Variants in CCDC88A observed in about 807,000 individuals in gnomAD.
CCDC88A encodes the protein coiled-coil and HOOK domain protein 88A.
Under a neutral mutation model 234.3 loss-of-function variants are expected in CCDC88A, and 54 were observed. That is an observed-to-expected ratio of 0.23 (90% CI 0.19 to 0.29). CCDC88A has a LOEUF of 0.29. Ranked by LOEUF, CCDC88A falls within the 10% of genes least tolerant of loss-of-function variation. The probability of loss-of-function intolerance (pLI) is 1.00; values close to 1 mark genes in which losing one functional copy is unlikely to be tolerated. For synonymous variants in CCDC88A, 753 were observed against 737.8 expected (o/e 1.02, Z -0.33); for missense variants, 1,832 against 2,123.4 (o/e 0.86, Z 2.70).
intron 2 of CCDC88A, among the ~76,000 whole-genome samples, chr2:55,396,188 T>A (rs1677516619): frequency 6.6e-6 from 1 of 152,180 alleles, no homozygotes. Flanking sequence ...AGTCAAGCTA[T>A]CATTGTGGAG....
rs188370147 is a variant in CCDC88A at position 55,345,163 on chromosome 2, G to A, written c.1042-649C>T. 6.1e-3 allele frequency among the ~76,000 whole-genome samples: 925 copies of A among 152,264 alleles called. 1 individual carries two copies. The highest frequency in any genetic ancestry group is 0.01 in the Non-Finnish European group (694 of 68,020). On this transcript the variant is annotated intron_variant, in intron 10 of 32. Coordinates refer to ENST00000436346, the MANE Select transcript of CCDC88A (RefSeq NM_001365480.1). ...CATGAGAATCCCTTAACAGTGTCAT[G>A]CATACACAAGTCTTTAAATAACTGG...
intron 29 of CCDC88A, among the ~76,000 whole-genome samples, chr2:55,298,986 G>A (rs1433884008): frequency 6.6e-6 from 1 of 152,108 alleles, no homozygotes; most frequent in African/African-American, 2.4e-5. Flanking sequence ...GATCACCTGA[G>A]GTCAGGAGTT....
At chr2:55,368,402 A>G (rs1294518612) in intron 5 of CCDC88A, among the ~76,000 whole-genome samples, 3 of 152,078 alleles carry the variant, frequency 2.0e-5, no homozygotes, top group Non-Finnish European at 4.4e-5. Flanking sequence ...TTTCTTCAAA[A>G]GAAGAAAACA....
At chr2:55,344,642 T>G (rs982816764) in intron 10 of CCDC88A, 128 bp from the exon 11 acceptor site, 10 of 463,530 alleles carry the variant, frequency 2.2e-5, no homozygotes, top group Non-Finnish European at 3.7e-5. Context: ...TACTGAGTAA[T>G]AGAAATACAA....
intron 5 of CCDC88A, 37 bp from the exon 6 acceptor site, chr2:55,364,070 T>A (rs72924916): frequency 1.0e-6 from 1 of 1,002,932 alleles, no homozygotes; most frequent in Non-Finnish European, 1.5e-6. Flanking sequence ...TCATACTTTA[T>A]AGGGTATGGT....
intron 21 of CCDC88A, among the ~76,000 whole-genome samples, chr2:55,316,594 G>A (rs1683009512): frequency 6.6e-6 from 1 of 152,110 alleles, no homozygotes; most frequent in Non-Finnish European, 1.5e-5. Context: ...AATTAGCTAG[G>A]CATGGTGGTG....
At chr2:55,320,161 G>C (rs1683448867) in intron 18 of CCDC88A, among the ~76,000 whole-genome samples, 1 of 151,974 alleles carries the variant, frequency 6.6e-6, no homozygotes. Flanking sequence ...AAAATAAAAA[G>C]GAATACTGAT....
intron 2 of CCDC88A, among the ~76,000 whole-genome samples, chr2:55,392,095 G>A (rs1275174559): frequency 1.3e-5 from 2 of 152,148 alleles, no homozygotes; most frequent in African/African-American, 4.8e-5. Flanking sequence ...ATCCTTAACA[G>A]GAAAAACACA....
intron 2 of CCDC88A, among the ~76,000 whole-genome samples, chr2:55,389,440 A>T (rs1282548946): frequency 6.6e-6 from 1 of 152,126 alleles, no homozygotes; most frequent in Non-Finnish European, 1.5e-5. Flanking sequence ...CAAGTCAACC[A>T]TGGTTTAGAA....
intron 25 of CCDC88A, among the ~76,000 whole-genome samples, chr2:55,304,129 C>T (rs1319738719): frequency 2.0e-5 from 3 of 149,820 alleles, no homozygotes; most frequent in Non-Finnish European, 4.4e-5. Flanking sequence ...GGCAACAGAG[C>T]GAGAACCCAT....
chr2:55,378,170 T>C (rs1278968565), intron 3 of CCDC88A, among the ~76,000 whole-genome samples: 1 of 152,188 alleles, frequency 6.6e-6, no homozygotes, highest in Non-Finnish European at 1.5e-5. Flanking sequence ...CTCCACCTTC[T>C]TCCTCAGCTG....
At position 55,419,180 on chromosome 2, in the gene CCDC88A, T is replaced by C. The variant is rs1008625815; in HGVS notation, c.-101A>G. On this transcript the variant is annotated 5_prime_UTR_variant, in exon 1 of 33. Transcript: ENST00000436346. ...AAGTAGAAATCAATGAAAGTCCATTTCGGCAAGGGAGAAAAATCCCATCGT... is the reference window on the plus strand; with the variant it reads ...AAGTAGAAATCAATGAAAGTCCATTCCGGCAAGGGAGAAAAATCCCATCGT... 1.4e-6 allele frequency: 1 copy of C among 736,826 alleles called. No individual in the cohort carries two copies. The highest frequency in any genetic ancestry group is 2.5e-5 in the Admixed American group (1 of 40,184). 45.6% of individuals were successfully genotyped at this position (736,826 alleles called of 1,614,324 possible). A position where few individuals can be genotyped will look rare whatever the true frequency, so the allele number is the denominator to read the frequency against.
At chr2:55,307,650 G>A (rs1444542655) in intron 25 of CCDC88A, among the ~76,000 whole-genome samples, 11 of 151,770 alleles carry the variant, frequency 7.2e-5, no homozygotes, top group Admixed American at 2.0e-4. Context: ...CACCGTTCCC[G>A]GCCTAATTTT....
At chr2:55,329,706 T>A (rs1684691989) in intron 16 of CCDC88A, 1 of 152,148 alleles carries the variant, frequency 6.6e-6, no homozygotes, top group Non-Finnish European at 1.5e-5. Context: ...ACAGAAGACA[T>A]CAAACAGGTA....
intron 22 of CCDC88A, chr2:55,314,783 C>G (rs1438814370): frequency 6.6e-6 from 1 of 152,220 alleles, no homozygotes; most frequent in Non-Finnish European, 1.5e-5. Flanking sequence ...GCACCTGGAT[C>G]AAGAAACAGA....
chr2:55,409,738 CTT>C (rs61703330), intron 2 of CCDC88A, among the ~76,000 whole-genome samples: 3 of 111,730 alleles, frequency 2.7e-5, no homozygotes, highest in African/African-American at 4.2e-5. Flanking sequence ...ATATACCTCC[CTT>C]TTTTTTTTTT....
At chr2:55,397,724 G>A (rs1677865479) in intron 2 of CCDC88A, among the ~76,000 whole-genome samples, 1 of 151,654 alleles carries the variant, frequency 6.6e-6, no homozygotes, top group South Asian at 2.1e-4. Flanking sequence ...CTTAAATTTT[G>A]TGTCCAATAT....
At chr2:55,349,653 T>C in intron 8 of CCDC88A, 54 bp from the exon 9 acceptor site, 1 of 1,167,852 alleles carries the variant, frequency 8.6e-7, no homozygotes, top group Non-Finnish European at 1.3e-6. Context: ...ACTGTGATCA[T>C]CATCTGCGTT....
chr2:55,360,816 A>C (rs1558740555), intron 7 of CCDC88A, among the ~76,000 whole-genome samples: 1 of 152,224 alleles, frequency 6.6e-6, no homozygotes, highest in African/African-American at 2.4e-5. Context: ...GGTTGGGTGC[A>C]GTGGCTCACA....
Sources: gnomAD v4.1 joint callset for allele counts (sites outside exome capture counted in the v4.1 genomes callset) on GRCh38, gnomAD v4.1.1 for gene constraint, MANE v1.5 for transcripts, NCBI Gene and HGNC (gene_info 2026-07-23, HGNC 2026-07-21) for gene names.